Variants in CASK observed in about 807,000 individuals in gnomAD.
CASK encodes peripheral plasma membrane protein CASK.
In CASK, 4 loss-of-function variants were observed where a neutral mutation model predicts 82.9. The observed-to-expected ratio is 0.05, with a 90% CI of 0.02 to 0.11. The LOEUF (loss-of-function observed/expected upper bound fraction) is 0.11, where lower values mean the gene tolerates loss of function less well. Among genes scored for constraint, CASK ranks in the 10% least tolerant of loss-of-function variants. CASK has a pLI of 1.00. For missense variants in CASK, 358 were observed against 720.9 expected (o/e 0.50, Z 5.76); for synonymous variants, 259 against 253.5 (o/e 1.02, Z -0.20).
At chrX:41,915,744 C>T (rs1418703288) in intron 1 of CASK, among the ~76,000 whole-genome samples, 1 of 109,687 alleles carries the variant, frequency 9.1e-6, no homozygotes, top group Non-Finnish European at 1.9e-5. Context: ...AATCCCAGCA[C>T]TTTGGGAGGC....
At position 41,517,732 on chromosome X, in the gene CASK, T is replaced by G; in HGVS notation, c.*2688A>C. ...AAGCAGTAAAGAAGCTTTTAGCAAT[T>G]TTCTCTGATTGCTTAGTGGACAATT... is the stretch of plus-strand genomic sequence containing the variant. On this transcript the variant is annotated 3_prime_UTR_variant, in exon 27 of 27. Transcript: ENST00000378163. 1 of 629,497 alleles carries G rather than the reference T, an allele frequency of 1.6e-6. No homozygotes were observed. Among genetic ancestry groups the G allele is most frequent in the Non-Finnish European group, 2.5e-6 (1 of 398,807 alleles). The allele number at this position is 629,497 out of a possible 1,213,427, so 51.9% of individuals were successfully genotyped here. A position where few individuals can be genotyped will look rare whatever the true frequency, so the allele number is the denominator to read the frequency against.
intron 1 of CASK, among the ~76,000 whole-genome samples, chrX:41,855,903 G>GCA (rs1382644035): frequency 1.1e-4 from 12 of 112,111 alleles, no homozygotes; most frequent in Non-Finnish European, 1.9e-5. Flanking sequence ...GTAAAACAAG[G>GCA]TTCTACTTGA....
At chrX:41,818,550 C>T (rs1300099020) in intron 2 of CASK, among the ~76,000 whole-genome samples, 1 of 110,286 alleles carries the variant, frequency 9.1e-6, no homozygotes, top group African/African-American at 3.3e-5. Context: ...TTACAGTGAG[C>T]TGAGATCACC....
At chrX:41,920,164 T>C in intron 1 of CASK, among the ~76,000 whole-genome samples, 1 of 111,688 alleles carries the variant, frequency 9.0e-6, no homozygotes, top group Non-Finnish European at 1.9e-5. Context: ...TAAGATCTAG[T>C]GGTGAAAAAC....
At chrX:41,784,649 G>A (rs1464295701) in intron 3 of CASK, among the ~76,000 whole-genome samples, 1 of 111,442 alleles carries the variant, frequency 9.0e-6, no homozygotes, top group Non-Finnish European at 1.9e-5. Flanking sequence ...AGGCCGAGGC[G>A]GGCAGATCAC....
intron 5 of CASK, among the ~76,000 whole-genome samples, chrX:41,679,625 G>A (rs889092092): frequency 9.0e-6 from 1 of 110,955 alleles, no homozygotes; most frequent in Admixed American, 9.5e-5. Flanking sequence ...GACTGATGAG[G>A]TGTTTTTTTT....
rs41310661 is a variant in CASK, at chrX:41,535,013, A to T, written c.2156-40T>A. On this transcript the variant is annotated intron_variant, in intron 22 of 26. Coordinates refer to ENST00000378163, the MANE Select transcript of CASK (RefSeq NM_001367721.1). ...TTTAGAAGAAAGGTAAATTTGTAGA[A>T]TGACTATTTCATGTACATAAATTAT... 1.1e-3 allele frequency: 917 copies of T among 854,191 alleles called. 8 individuals are homozygous for T. In the African/African-American group the frequency reaches 0.016, roughly 15 times the overall value. The allele number at this position is 854,191 out of a possible 1,213,427, so 70.4% of individuals were successfully genotyped here. A position where few individuals can be genotyped will look rare whatever the true frequency, so the allele number is the denominator to read the frequency against.
intron 3 of CASK, among the ~76,000 whole-genome samples, chrX:41,745,821 T>G (rs2068677326): frequency 8.9e-6 from 1 of 112,148 alleles, no homozygotes; most frequent in Non-Finnish European, 1.9e-5. Context: ...AAGAGTAGGC[T>G]AACAGTAATA....
intron 4 of CASK, chrX:41,743,786 T>C (rs2147730664): frequency 6.8e-6 from 2 of 294,621 alleles, no homozygotes; most frequent in East Asian, 4.8e-5. Flanking sequence ...TTAATATAAC[T>C]GTTTTTCAAA....
At chrX:41,861,966 T>C (rs2071499169) in intron 1 of CASK, among the ~76,000 whole-genome samples, 1 of 104,476 alleles carries the variant, frequency 9.6e-6, no homozygotes, top group Admixed American at 1.1e-4. Flanking sequence ...CATATGTATA[T>C]ATACATTATA....
chrX:41,705,602 C>G (rs1294045296), intron 5 of CASK, among the ~76,000 whole-genome samples: 1 of 110,881 alleles, frequency 9.0e-6, no homozygotes. Context: ...GGTTTTTCTC[C>G]GTCTAATCAG....
intron 1 of CASK, among the ~76,000 whole-genome samples, chrX:41,880,769 A>G (rs1442400783): frequency 8.9e-6 from 1 of 111,839 alleles, no homozygotes; most frequent in African/African-American, 3.2e-5. Flanking sequence ...TACATTTTAA[A>G]ACTATAAGAT....
chrX:41,804,382 C>T (rs73193141), intron 2 of CASK, among the ~76,000 whole-genome samples: 8,713 of 111,164 alleles, frequency 0.078, 454 homozygotes, highest in East Asian at 0.31. Flanking sequence ...CAATAGGTCA[C>T]ATTCTCCCAA....
At position 41,666,837 on chromosome X, in the gene CASK, AC is replaced by A. The variant is rs371123324; in HGVS notation, c.533-1386del. On this transcript the variant is annotated intron_variant, in intron 6 of 26. Transcript: ENST00000378163. ...GCCCCATTTTGCTTCCTCAAGTAAC[AC>A]GAAGAAGCTGCAGGGATGGGAACTA... 4.1e-3 allele frequency among the ~76,000 whole-genome samples: 457 copies of A among 111,940 alleles called. 1 individual carries two copies. Among genetic ancestry groups the A allele is most frequent in the African/African-American group, 0.014 (427 of 30,822 alleles).
At chrX:41,570,880 T>G (rs1005228040) in intron 15 of CASK, 2 of 112,050 alleles carry the variant, frequency 1.8e-5, no homozygotes, top group African/African-American at 6.5e-5. Context: ...TAAAGCTGTA[T>G]TCCTGGGTTA....
chrX:41,723,094 T>G (rs778995023), intron 5 of CASK, among the ~76,000 whole-genome samples: 2 of 112,203 alleles, frequency 1.8e-5, no homozygotes, highest in Non-Finnish European at 3.8e-5. Flanking sequence ...CAGTTCTCAC[T>G]TTTGTTTTGG....
chrX:41,862,010 C>T (rs960618489), intron 1 of CASK, among the ~76,000 whole-genome samples: 3 of 104,101 alleles, frequency 2.9e-5, no homozygotes, highest in African/African-American at 7.0e-5. Context: ...TGTATACATA[C>T]GTTATATATA....
chrX:41,542,239 C>T (rs1011906203), intron 22 of CASK, among the ~76,000 whole-genome samples: 7 of 112,410 alleles, frequency 6.2e-5, no homozygotes, highest in Non-Finnish European at 9.4e-5. Context: ...ACCACAGAAC[C>T]ATTTGTGGCA....
chrX:41,904,668 A>C (rs1463588151), intron 1 of CASK, among the ~76,000 whole-genome samples: 1 of 111,376 alleles, frequency 9.0e-6, no homozygotes, highest in Non-Finnish European at 1.9e-5. Flanking sequence ...TAAATTGCAT[A>C]TCACAGGGGT....
Sources: gnomAD v4.1 joint callset for allele counts (sites outside exome capture counted in the v4.1 genomes callset) on GRCh38, gnomAD v4.1.1 for gene constraint, MANE v1.5 for transcripts, NCBI Gene and HGNC (gene_info 2026-07-23, HGNC 2026-07-21) for gene names.